The following DHX32 variants were observed in gnomAD, a reference collection of about 807,000 sequenced individuals.
DHX32 encodes putative pre-mRNA-splicing factor ATP-dependent RNA helicase DHX32.
DHX32 carries 51 observed loss-of-function variants against 70.0 expected under a neutral mutation model. The ratio of observed to expected loss-of-function variants is 0.73; its 90% confidence interval spans 0.58 to 0.92. The LOEUF (loss-of-function observed/expected upper bound fraction) is 0.92, where lower values mean the gene tolerates loss of function less well. Among genes scored for constraint, DHX32 ranks in the 40% least tolerant of loss-of-function variants. The probability of loss-of-function intolerance (pLI) is 0.00; values close to 1 mark genes in which losing one functional copy is unlikely to be tolerated. For synonymous variants in DHX32, 310 were observed against 315.3 expected (o/e 0.98, Z 0.18); for missense variants, 762 against 891.8 (o/e 0.85, Z 1.85).
In DHX32 at chr10:125,836,775, TC is replaced by T; in HGVS notation, c.2143del (p.Asp715IlefsTer9). 1 of 1,614,144 alleles carries T rather than the reference TC, an allele frequency of 6.2e-7. No homozygotes were observed. The highest frequency in any genetic ancestry group is 8.5e-7 in the Non-Finnish European group (1 of 1,180,008). On this transcript the variant is annotated frameshift_variant, in exon 11 of 11. Transcript: ENST00000284690. LOFTEE classifies it low-confidence loss of function (END_TRUNC). ...ESKDILQQVV[D>X]HLSPVSTMNK... is the part of the protein sequence containing the mutation. The stretch of plus-strand genomic sequence containing the variant: ...CATTGTTGACACAGGGGATAGGTGA[TC>T]CACTACTTGCTGTAGAATGTCCTTA...
In DHX32 at chr10:125,836,787, T is replaced by C. The variant is rs372661896; in HGVS notation, c.2132A>G (p.Gln711Arg). Residue 711 changes from glutamine (Q) to arginine (R), a missense_variant, in exon 11 of 11, where the codon CAG (glutamine) becomes CGG (arginine). Coordinates refer to ENST00000284690, the MANE Select transcript of DHX32 (RefSeq NM_018180.3). Reference protein sequence around the residue: ...LPPSESKDILQQVVDHLSPVS... With the variant: ...LPPSESKDILRQVVDHLSPVS... Reference sequence around the variant, plus strand: ...AGGGGATAGGTGATCCACTACTTGCTGTAGAATGTCCTTACTTTCACTAGG... The same window carrying C: ...AGGGGATAGGTGATCCACTACTTGCCGTAGAATGTCCTTACTTTCACTAGG... The C allele has an allele frequency of 1.2e-6, 2 of 1,614,164 alleles. No homozygotes were observed. The highest frequency in any genetic ancestry group is 2.2e-5 in the South Asian group (2 of 91,084).
At chr10:125,841,497 G>A in intron 7 of DHX32, 1 of 1,445,146 alleles carries the variant, frequency 6.9e-7, no homozygotes. Flanking sequence ...AATCTAGTAT[G>A]TTTTCATACA....
At position 125,852,538 on chromosome 10, in the gene DHX32, A is replaced by G. The variant is rs761425156; in HGVS notation, c.1192+5T>C. Reference sequence around the variant, plus strand: ...AACATTTAGTATTTGTGTCCACAGCACTACCTGAAGAAGATGAGCCAAGAA... The same window carrying G: ...AACATTTAGTATTTGTGTCCACAGCGCTACCTGAAGAAGATGAGCCAAGAA... On this transcript the variant is annotated splice_donor_5th_base_variant and intron_variant, in intron 5 of 10. Transcript: ENST00000284690. The G allele has an allele frequency of 3.4e-5, 55 of 1,613,460 alleles. No individual in the cohort carries two copies. Among genetic ancestry groups the G allele is most frequent in the Non-Finnish European group, 4.6e-5 (54 of 1,179,728 alleles).
Position 125,880,563 on chromosome 10 carries a change from T to G in DHX32, c.262A>C (p.Lys88Gln), listed in dbSNP as rs770780700. Residue 88 changes from lysine to glutamine, a missense_variant, in exon 1 of 11, where the codon AAA becomes CAA. Coordinates refer to ENST00000284690, the MANE Select transcript of DHX32 (RefSeq NM_018180.3). ...NQIVIVSGDAKCGKSAQVPQW... is the reference protein window; with the variant it reads ...NQIVIVSGDAQCGKSAQVPQW... ...CTCACCTGAGCGCTCTTACCACATT[T>G]AGCATCTCCTGAAACAATCACGATT... 6.2e-7 allele frequency: 1 copy of G among 1,609,026 alleles called. No individual in the cohort carries two copies. The highest frequency in any genetic ancestry group is 2.2e-5 in the East Asian group (1 of 44,794).
At chr10:125,843,410 A>C (rs917869294) in intron 6 of DHX32, among the ~76,000 whole-genome samples, 2 of 152,182 alleles carry the variant, frequency 1.3e-5, no homozygotes, top group African/African-American at 4.8e-5. Flanking sequence ...GGAGATTGAG[A>C]CCATCCTGGC....
chr10:125,863,362 G>C (rs956830600), intron 2 of DHX32, among the ~76,000 whole-genome samples: 1 of 152,020 alleles, frequency 6.6e-6, no homozygotes, highest in Non-Finnish European at 1.5e-5. Context: ...AATTGCCTAT[G>C]ATGTGTTTGA....
chr10:125,882,041 A>G (rs537584417), upstream of DHX32, among the ~76,000 whole-genome samples: 2 of 152,348 alleles, frequency 1.3e-5, no homozygotes, highest in East Asian at 3.9e-4. Flanking sequence ...TGTCAGCTCC[A>G]AGAGGCCATT....
intron 6 of DHX32, among the ~76,000 whole-genome samples, chr10:125,846,876 A>G (rs1944028079): frequency 6.6e-6 from 1 of 152,222 alleles, no homozygotes; most frequent in Non-Finnish European, 1.5e-5. Context: ...CTTAGGGCAG[A>G]GAGCAGCTAA....
chr10:125,862,273 C>T (rs1944194796), intron 2 of DHX32, among the ~76,000 whole-genome samples: 1 of 152,090 alleles, frequency 6.6e-6, no homozygotes, highest in Non-Finnish European at 1.5e-5. Flanking sequence ...AAGTGTATGC[C>T]CTCTGCCTTT....
chr10:125,841,553 A>T, intron 7 of DHX32, 190 bp downstream of exon 7: 1 of 1,428,776 alleles, frequency 7.0e-7, no homozygotes. Context: ...TTCTTAAGAT[A>T]ATTTTTCATA....
At chr10:125,843,989 A>G (rs932838346) in intron 6 of DHX32, among the ~76,000 whole-genome samples, 1 of 152,216 alleles carries the variant, frequency 6.6e-6, no homozygotes, top group Non-Finnish European at 1.5e-5. Flanking sequence ...AAAACTGAGC[A>G]GAAGCTTATG....
At chr10:125,870,504 T>C (rs1213326898) in intron 1 of DHX32, among the ~76,000 whole-genome samples, 1 of 152,180 alleles carries the variant, frequency 6.6e-6, no homozygotes, top group African/African-American at 2.4e-5. Context: ...AGGTGGCAAC[T>C]GAAGCCATGA....
chr10:125,894,544 C>A (rs1174963657), intron 1 of DHX32, among the ~76,000 whole-genome samples: 1 of 152,266 alleles, frequency 6.6e-6, no homozygotes, highest in Non-Finnish European at 1.5e-5. Context: ...TCAAAGTCAA[C>A]TTAACAGCTG....
At chr10:125,886,351 C>T (rs997562259) in intron 1 of DHX32, among the ~76,000 whole-genome samples, 2 of 152,214 alleles carry the variant, frequency 1.3e-5, no homozygotes, top group African/African-American at 2.4e-5. Context: ...CTTAAGACCA[C>T]CACCTAACAT....
At chr10:125,879,030 T>G (rs1374565428) in intron 1 of DHX32, among the ~76,000 whole-genome samples, 4 of 139,820 alleles carry the variant, frequency 2.9e-5, no homozygotes, top group African/African-American at 8.0e-5. Context: ...TTTTTTTTTT[T>G]TTTTTTTTTT....
chr10:125,886,529 T>TAAACACTTCTATCAGGAATTC (rs1393028318), intron 1 of DHX32, among the ~76,000 whole-genome samples: 1 of 152,144 alleles, frequency 6.6e-6, no homozygotes, highest in Non-Finnish European at 1.5e-5. Flanking sequence ...GCATAGAGTT[T>TAAACACTTCTATCAGGAATTC]AAACACTTCT....
At chr10:125,872,835 A>C (rs943174183) in intron 1 of DHX32, among the ~76,000 whole-genome samples, 7 of 152,296 alleles carry the variant, frequency 4.6e-5, no homozygotes, top group South Asian at 4.1e-4. Flanking sequence ...ACCTGAAAGG[A>C]AATCACCAAC....
intron 7 of DHX32, chr10:125,841,245 A>G (rs943401484): frequency 3.0e-5 from 49 of 1,612,602 alleles, no homozygotes; most frequent in Non-Finnish European, 3.9e-5. Context: ...TCCTGCTTCT[A>G]TTCCGGCAGG....
rs144865273 is a variant in DHX32, at chr10:125,856,573, C to T, written c.850-2370G>A. Among the ~76,000 whole-genome samples, 369 of 152,284 alleles carry T rather than the reference C, an allele frequency of 2.4e-3. 1 individual carries two copies. Among genetic ancestry groups the T allele is most frequent in the African/African-American group, 8.4e-3 (350 of 41,548 alleles). On this transcript the variant is annotated intron_variant, in intron 3 of 10. Coordinates refer to ENST00000284690, the MANE Select transcript of DHX32 (RefSeq NM_018180.3). Reference sequence around the variant, plus strand: ...AGGCAAGTGGCTGGAGAAAATGTGACACACCTAAGGCAAATGCACTGCCGT... The same window carrying T: ...AGGCAAGTGGCTGGAGAAAATGTGATACACCTAAGGCAAATGCACTGCCGT...
Sources: gnomAD v4.1 joint callset for allele counts (sites outside exome capture counted in the v4.1 genomes callset) on GRCh38, gnomAD v4.1.1 for gene constraint, MANE v1.5 for transcripts, NCBI Gene and HGNC (gene_info 2026-07-23, HGNC 2026-07-21) for gene names.